SHLD1: variants seen among roughly 807,000 people sequenced by gnomAD.
SHLD1 encodes RINN1-REV7-interacting novel NHEJ regulator 3.
SHLD1 carries 3 observed loss-of-function variants against 5.5 expected under a neutral mutation model. That is an observed-to-expected ratio of 0.54 (90% CI 0.25 to 1.40). The LOEUF is 1.40. Ranked by LOEUF, SHLD1 falls within the 40% of genes most tolerant of loss-of-function variation. The pLI is 0.15. For synonymous variants in SHLD1, 92 were observed against 94.3 expected (o/e 0.98, Z 0.14); for missense variants, 210 against 244.4 (o/e 0.86, Z 0.94).
At chr20:5,808,389 GACAT>G (rs1212673721) in intron 2 of SHLD1, among the ~76,000 whole-genome samples, 3 of 150,244 alleles carry the variant, frequency 2.0e-5, no homozygotes, top group African/African-American at 7.6e-5. Context: ...AATATAGATA[GACAT>G]ACATACATAT....
At chr20:5,764,176 T>A (rs28417630) in intron 1 of SHLD1, among the ~76,000 whole-genome samples, 1,704 of 56,266 alleles carry the variant, frequency 0.03, 41 homozygotes, top group African/African-American at 0.069. Context: ...ATATATATAT[T>A]TTTATATATA....
chr20:5,819,909 G>A (rs1047968339), intron 2 of SHLD1, among the ~76,000 whole-genome samples: 1 of 152,098 alleles, frequency 6.6e-6, no homozygotes, highest in African/African-American at 2.4e-5. Context: ...GAGTTCTGGT[G>A]GATACATAAT....
chr20:5,851,444 T>C (rs997028930), intron 2 of SHLD1, among the ~76,000 whole-genome samples: 2 of 151,304 alleles, frequency 1.3e-5, no homozygotes, highest in East Asian at 1.9e-4. Flanking sequence ...TGATCTATGA[T>C]CATGCCACTC....
In SHLD1 at chr20:5,863,287, G is replaced by T. The variant is rs372237912; in HGVS notation, c.442G>T (p.Ala148Ser). ...GTATGCCCTCCGCAGTTTTCAAATG[G>T]CCCGGGTGATCTTCAACCGGGACGG... The part of the protein sequence containing the change: ...QKYALRSFQM[A>S]RVIFNRDGCS... The change falls in exon 3 of 3, where the codon GCC becomes TCC. Residue 148 changes from alanine (A) to serine (S), a missense_variant. Transcript: ENST00000303142. The T allele has an allele frequency of 6.2e-7, 1 of 1,614,192 alleles. No individual in the cohort carries two copies. Among genetic ancestry groups the T allele is most frequent in the African/African-American group, 1.3e-5 (1 of 75,030 alleles).
Position 5,820,490 on chromosome 20 carries a change from C to A in SHLD1, c.179-42534C>A, listed in dbSNP as rs73596830. Among the ~76,000 whole-genome samples, 1,160 of 152,302 alleles carry A rather than the reference C, an allele frequency of 7.6e-3. 8 individuals are homozygous for A. The highest frequency in any genetic ancestry group is 0.027 in the African/African-American group (1,125 of 41,564). ...AAGTGTGAATTAAAGGCAGTGTCTGCCCTCTTGAAGTTCACCACCCAGTGA... is the reference window on the plus strand; with the variant it reads ...AAGTGTGAATTAAAGGCAGTGTCTGACCTCTTGAAGTTCACCACCCAGTGA... On this transcript the variant is annotated intron_variant, in intron 2 of 2. Coordinates refer to ENST00000303142, the MANE Select transcript of SHLD1 (RefSeq NM_152504.4).
chr20:5,837,484 G>A (rs1280534026), intron 2 of SHLD1, among the ~76,000 whole-genome samples: 1 of 145,888 alleles, frequency 6.9e-6, no homozygotes, highest in African/African-American at 2.6e-5. Context: ...ACCTCCAACA[G>A]GCCCCGCTGT....
At chr20:5,760,824 G>A (rs547608347) in intron 1 of SHLD1, among the ~76,000 whole-genome samples, 2 of 152,202 alleles carry the variant, frequency 1.3e-5, no homozygotes, top group African/African-American at 2.4e-5. Context: ...AGACAGTTAC[G>A]AAATAAGCAT....
chr20:5,834,244 C>T (rs1321665726), intron 2 of SHLD1, among the ~76,000 whole-genome samples: 1 of 152,194 alleles, frequency 6.6e-6, no homozygotes, highest in South Asian at 2.1e-4. Context: ...ATGGAAGAGT[C>T]TTCCTGCCTT....
Position 5,781,580 on chromosome 20 carries a change from C to T in SHLD1, c.178+8537C>T, listed in dbSNP as rs567977422. The stretch of plus-strand genomic sequence containing the variant: ...GCAACCTCCGCCTCCTGGGTTCAAG[C>T]GATTCTCCTGCCTCAGCCTCCTGAG... On this transcript the variant is annotated intron_variant, in intron 2 of 2. Coordinates refer to ENST00000303142, the MANE Select transcript of SHLD1 (RefSeq NM_152504.4). Among the ~76,000 whole-genome samples the T allele has an allele frequency of 1.1e-4, 16 of 152,084 alleles. No homozygotes were observed. The South Asian group carries it at 2.3e-3, about 22-fold the overall frequency.
intron 2 of SHLD1, among the ~76,000 whole-genome samples, chr20:5,820,732 A>G (rs2087596720): frequency 6.6e-6 from 1 of 152,274 alleles, no homozygotes; most frequent in Non-Finnish European, 1.5e-5. Context: ...ACTGTCTCAC[A>G]GGGAAAAGTT....
intron 2 of SHLD1, among the ~76,000 whole-genome samples, chr20:5,785,469 A>G (rs187678324): frequency 3.7e-4 from 57 of 152,298 alleles, no homozygotes; most frequent in African/African-American, 1.2e-3. Flanking sequence ...AGAAATGCAG[A>G]CATCTAGGTA....
intron 2 of SHLD1, among the ~76,000 whole-genome samples, chr20:5,793,093 G>T (rs542462859): frequency 6.6e-6 from 1 of 152,120 alleles, no homozygotes; most frequent in African/African-American, 2.4e-5. Context: ...GAGCATATAC[G>T]TAAGGGTTTA....
intron 1 of SHLD1, 22 bp downstream of exon 1, chr20:5,750,501 G>GA (rs1555766059): frequency 2.8e-5 from 4 of 145,146 alleles, no homozygotes; most frequent in African/African-American, 5.2e-5. Context: ...ATGGGATGGG[G>GA]GGGGGTTGGA....
chr20:5,758,425 A>G (rs146942942), intron 1 of SHLD1, among the ~76,000 whole-genome samples: 1 of 90,042 alleles, frequency 1.1e-5, no homozygotes, highest in Non-Finnish European at 2.7e-5. Context: ...TTTTTTTTAT[A>G]TTTTTTTTTT....
intron 2 of SHLD1, among the ~76,000 whole-genome samples, chr20:5,854,532 GA>G (rs1477415579): frequency 6.6e-6 from 1 of 152,192 alleles, no homozygotes; most frequent in African/African-American, 2.4e-5. Context: ...GCAGAACACA[GA>G]AACCCAAGAA....
At chr20:5,841,653 A>G (rs1356586053) in intron 2 of SHLD1, among the ~76,000 whole-genome samples, 4 of 152,246 alleles carry the variant, frequency 2.6e-5, no homozygotes, top group Non-Finnish European at 4.4e-5. Flanking sequence ...TAATAACTCC[A>G]TGACTCATAA....
chr20:5,753,749 C>T (rs1013047722), intron 1 of SHLD1, among the ~76,000 whole-genome samples: 1 of 152,134 alleles, frequency 6.6e-6, no homozygotes, highest in South Asian at 2.1e-4. Context: ...TCTTAGCATG[C>T]TTTGTTAAAG....
intron 1 of SHLD1, among the ~76,000 whole-genome samples, chr20:5,754,210 A>G (rs1343024108): frequency 6.6e-6 from 1 of 152,116 alleles, no homozygotes; most frequent in Non-Finnish European, 1.5e-5. Context: ...TCCTGGGCTC[A>G]AGCAATCCTC....
intron 2 of SHLD1, among the ~76,000 whole-genome samples, chr20:5,816,171 T>C (rs2122392856): frequency 6.6e-6 from 1 of 152,070 alleles, no homozygotes. Context: ...GTCATAAAAT[T>C]AACTGCAAAT....
Sources: allele counts gnomAD v4.1 joint callset (sites outside exome capture counted in the v4.1 genomes callset), GRCh38; gene constraint gnomAD v4.1.1; transcripts MANE v1.5; gene names NCBI Gene and HGNC (gene_info 2026-07-23, HGNC 2026-07-21).